LRRC8E: variants seen among roughly 807,000 people sequenced by gnomAD.
LRRC8E encodes the protein leucine rich repeat containing 8 VRAC subunit E.
LRRC8E carries 6 observed loss-of-function variants against 6.1 expected under a neutral mutation model. The ratio of observed to expected loss-of-function variants is 0.98; its 90% CI spans 0.54 to 1.93. LRRC8E has a LOEUF of 1.93. Ranked by LOEUF, LRRC8E falls within the 30% of genes most tolerant of loss-of-function variation. The pLI, the probability that LRRC8E is intolerant of heterozygous loss-of-function variation, is 0.01. For missense variants in LRRC8E, 1,028 were observed against 1,031.4 expected, an observed-to-expected ratio of 1.00 and a Z score of 0.04; for synonymous variants, 485 against 472.8, an observed-to-expected ratio of 1.03 and a Z score of -0.33.
intron 1 of LRRC8E, among the ~76,000 whole-genome samples, chr19:7,893,218 G>A (rs557748584): frequency 3.3e-5 from 5 of 152,264 alleles, no homozygotes; most frequent in African/African-American, 1.2e-4. Context: ...ACGTTGGCCA[G>A]GCTGGTCCCT....
intron 1 of LRRC8E, among the ~76,000 whole-genome samples, chr19:7,894,825 A>G (rs1454795855): frequency 6.6e-6 from 1 of 152,250 alleles, no homozygotes; most frequent in East Asian, 1.9e-4. Flanking sequence ...GCCTGGTCGC[A>G]GATGTCACCT....
rs1344570005 is a variant in LRRC8E, at chr19:7,899,840, G to C, written c.1318G>C (p.Glu440Gln). 6.2e-7 allele frequency: 1 copy of C among 1,606,394 alleles called. No homozygotes were observed. The highest frequency in any genetic ancestry group is 1.3e-5 in the African/African-American group (1 of 74,932). Residue 440 changes from glutamate (E) to glutamine (Q), a missense_variant, in exon 3 of 3, where the codon GAG becomes CAG. Coordinates refer to ENST00000306708, the MANE Select transcript of LRRC8E (RefSeq NM_025061.6). ...PDTVFELSEV[E>Q]SLRLEAICDI... ...CACCGTCTTTGAGCTCAGTGAGGTG[G>C]AGTCACTCAGGCTGGAGGCCATCTG...
rs1288935095 is a variant in LRRC8E at position 7,900,958 on chromosome 19, G to T, written c.*45G>T. ...TAGGTAGAGCCTTAAAAATGCTTCT[G>T]CCCTGGAATCTCAACCATTGTCTTC... On this transcript the variant is annotated 3_prime_UTR_variant, in exon 3 of 3. Transcript: ENST00000306708. The surrounding 1 kb of genome is among the most constrained non-coding windows in gnomAD (Gnocchi z 5.0). 7.2e-7 allele frequency: 1 copy of T among 1,380,092 alleles called. No individual in the cohort carries two copies. The highest frequency in any genetic ancestry group is 9.6e-7 in the Non-Finnish European group (1 of 1,042,810). 85.5% of individuals were successfully genotyped at this position (1,380,092 alleles called of 1,614,324 possible).
chr19:7,898,549 G>A (rs1981727790), intron 2 of LRRC8E, 112 bp from the exon 3 acceptor site: 4 of 894,956 alleles, frequency 4.5e-6, no homozygotes, highest in Non-Finnish European at 6.9e-6. Flanking sequence ...AGTAGAGACA[G>A]GGTTTCACCA....
At chr19:7,894,720 G>A (rs1981485267) in intron 1 of LRRC8E, among the ~76,000 whole-genome samples, 1 of 152,196 alleles carries the variant, frequency 6.6e-6, no homozygotes, top group Non-Finnish European at 1.5e-5. Context: ...TTTGTGGCTG[G>A]CCTGTCTGTA....
chr19:7,900,677 T>G lies in LRRC8E; in HGVS notation c.2155T>G (p.Phe719Val). 3 of 1,613,364 alleles carry G rather than the reference T, an allele frequency of 1.9e-6. No homozygotes were observed. The highest frequency in any genetic ancestry group is 1.7e-6 in the Non-Finnish European group (2 of 1,180,030). The stretch of plus-strand genomic sequence containing the variant: ...CCTGGAGGCCCTGCCCGAAGAGCTC[T>G]TCTTCTGCCGCAAGCTGCGGACGTT... Reference protein sequence around the residue: ...NALEALPEELFFCRKLRTLLL... With the variant: ...NALEALPEELVFCRKLRTLLL... The change falls in exon 3 of 3, where the codon TTC (phenylalanine) becomes GTC (valine). Residue 719 changes from phenylalanine (F) to valine (V), a missense_variant. Coordinates refer to ENST00000306708, the MANE Select transcript of LRRC8E (RefSeq NM_025061.6). This position sits in a 1 kb window ranked among gnomAD's most constrained non-coding sequence, Gnocchi z 5.0.
At position 7,900,936 on chromosome 19, in the gene LRRC8E, G is replaced by T; in HGVS notation, c.*23G>T. The T allele has an allele frequency of 6.7e-7, 1 of 1,492,584 alleles. No individual in the cohort carries two copies. The highest frequency in any genetic ancestry group is 2.3e-5 in the East Asian group (1 of 43,556). 92.5% of individuals were successfully genotyped at this position (1,492,584 alleles called of 1,614,324 possible). On this transcript the variant is annotated 3_prime_UTR_variant, in exon 3 of 3. Coordinates refer to ENST00000306708, the MANE Select transcript of LRRC8E (RefSeq NM_025061.6). The surrounding 1 kb of genome is among the most constrained non-coding windows in gnomAD (Gnocchi z 5.0). ...TGAAGCTGGGGTGGGGCCGTTTTAG[G>T]TAGAGCCTTAAAAATGCTTCTGCCC...
intron 1 of LRRC8E, among the ~76,000 whole-genome samples, chr19:7,891,524 G>GGTGTGTGTGTGTGT (rs577011407): frequency 8.7e-5 from 11 of 125,850 alleles, no homozygotes; most frequent in Admixed American, 3.3e-4. Flanking sequence ...TCCCTGCTCG[G>GGTGTGTGTGTGTGT]GTGTGTGTGT....
Position 7,901,582 on chromosome 19 carries a change from C to T in LRRC8E, c.*669C>T, listed in dbSNP as rs1017525687. 4 of 151,924 alleles carry T rather than the reference C, an allele frequency of 2.6e-5. No homozygotes were observed. The highest frequency in any genetic ancestry group is 9.7e-5 in the African/African-American group (4 of 41,318). The allele number at this position is 151,924 out of a possible 1,614,324, so 9.4% of individuals were successfully genotyped here. A position where few individuals can be genotyped will look rare whatever the true frequency, so the allele number is the denominator to read the frequency against. ...GAGACAGTATGTTGGGAAATGCTGA[C>T]GTAAAGGTATCAGGGCCGGGCGCTG... On this transcript the variant is annotated 3_prime_UTR_variant, in exon 3 of 3. Coordinates refer to ENST00000306708, the MANE Select transcript of LRRC8E (RefSeq NM_025061.6).
At chr19:7,896,885 G>A in intron 2 of LRRC8E, among the ~76,000 whole-genome samples, 1 of 152,072 alleles carries the variant, frequency 6.6e-6, no homozygotes, top group Non-Finnish European at 1.5e-5. Flanking sequence ...GTGAGCCACT[G>A]TGTCCAGCCC....
chr19:7,899,487 T>A lies in LRRC8E; in HGVS notation c.965T>A (p.Ile322Asn), dbSNP rs1428856105. ...LAFCYISFVC[I>N]YGLTCIYTLY... ...TTCTGTTACATCTCCTTTGTGTGCA[T>A]CTACGGACTTACCTGCATCTACACG... Residue 322 changes from isoleucine (I) to asparagine (N), a missense_variant, in exon 3 of 3, where the codon ATC (isoleucine) becomes AAC (asparagine). Transcript: ENST00000306708. The A allele has an allele frequency of 6.2e-7, 1 of 1,613,106 alleles. No individual in the cohort carries two copies. The highest frequency in any genetic ancestry group is 8.5e-7 in the Non-Finnish European group (1 of 1,179,752).
At chr19:7,898,241 G>A (rs962667297) in intron 2 of LRRC8E, among the ~76,000 whole-genome samples, 1 of 148,352 alleles carries the variant, frequency 6.7e-6, no homozygotes, top group Non-Finnish European at 1.5e-5. Flanking sequence ...ACAGTGCTTA[G>A]AGGTTTAGCA....
intron 1 of LRRC8E, among the ~76,000 whole-genome samples, chr19:7,894,145 T>G (rs1959392069): frequency 6.6e-6 from 1 of 152,154 alleles, no homozygotes; most frequent in South Asian, 2.1e-4. Context: ...GGGAGATGGA[T>G]GGGGAGCCAG....
At chr19:7,898,326 G>A (rs964085197) in intron 2 of LRRC8E, among the ~76,000 whole-genome samples, 1 of 151,562 alleles carries the variant, frequency 6.6e-6, no homozygotes, top group African/African-American at 2.4e-5. Context: ...CCTTCAGCCT[G>A]CTTTTTCCCC....
At chr19:7,892,044 C>T (rs1000749971) in intron 1 of LRRC8E, among the ~76,000 whole-genome samples, 5 of 151,556 alleles carry the variant, frequency 3.3e-5, no homozygotes, top group African/African-American at 1.2e-4. Flanking sequence ...GGACTACAGG[C>T]ATGCACCACC....
intron 1 of LRRC8E, among the ~76,000 whole-genome samples, chr19:7,894,518 C>T (rs1046488656): frequency 3.3e-5 from 5 of 152,214 alleles, no homozygotes; most frequent in East Asian, 1.9e-4. Flanking sequence ...TGAGCCACCG[C>T]GCCCAGCCCC....
rs933294499 is a variant in LRRC8E at position 7,898,748 on chromosome 19, G to C, written c.226G>C (p.Gly76Arg). ...CCCGTGCCAGCAATTGCTGCCTCGGGGGATCCCTGAGCAGATTGGGGCCCT... is the reference window on the plus strand; with the variant it reads ...CCCGTGCCAGCAATTGCTGCCTCGGCGGATCCCTGAGCAGATTGGGGCCCT... ...EAPCQQLLPR[G>R]IPEQIGALQE... Residue 76 changes from glycine (G) to arginine (R), a missense_variant, in exon 3 of 3, where the codon GGG (glycine) becomes CGG (arginine). Coordinates refer to ENST00000306708, the MANE Select transcript of LRRC8E (RefSeq NM_025061.6). The C allele has an allele frequency of 3.7e-6, 6 of 1,614,058 alleles. No homozygotes were observed. The Admixed American group carries it at 1.0e-4, about 27-fold the overall frequency.
intron 1 of LRRC8E, among the ~76,000 whole-genome samples, chr19:7,894,384 T>C (rs117904274): frequency 0.011 from 1,707 of 152,210 alleles, 15 homozygotes; most frequent in Non-Finnish European, 0.017. Context: ...TCACCACACC[T>C]GGTTAATTTT....
At chr19:7,898,194 A>G (rs1981701586) in intron 2 of LRRC8E, among the ~76,000 whole-genome samples, 1 of 137,012 alleles carries the variant, frequency 7.3e-6, no homozygotes, top group South Asian at 2.4e-4. Flanking sequence ...ACAGAGCGAG[A>G]CTCTTGTCTC....
Sources: gnomAD v4.1 joint callset for allele counts (sites outside exome capture counted in the v4.1 genomes callset) on GRCh38, gnomAD v4.1.1 for gene constraint, Gnocchi (gnomAD v3.1) non-coding constraint, MANE v1.5 for transcripts, NCBI Gene and HGNC (gene_info 2026-07-23, HGNC 2026-07-21) for gene names.